Variants in SH3BGR observed in about 807,000 individuals in gnomAD.
SH3BGR encodes SH3 domain binding glutamate rich protein.
In SH3BGR, 29 loss-of-function variants were observed where a neutral mutation model predicts 24.5. The ratio of observed to expected loss-of-function variants is 1.18; its 90% CI spans 0.88 to 1.61. The LOEUF (loss-of-function observed/expected upper bound fraction) is 1.61, where lower values mean the gene tolerates loss of function less well. SH3BGR is among the 40% of genes most tolerant of loss of function. The pLI, the probability that SH3BGR is intolerant of heterozygous loss-of-function variation, is 0.00. For synonymous variants in SH3BGR, 55 were observed against 65.7 expected (o/e 0.84, Z 0.79); for missense variants, 162 against 205.8 (o/e 0.79, Z 1.30).
At chr21:39,508,361 T>C (rs1197810524) in intron 4 of SH3BGR, among the ~76,000 whole-genome samples, 1 of 152,198 alleles carries the variant, frequency 6.6e-6, no homozygotes, top group African/African-American at 2.4e-5. Flanking sequence ...AACCTGGTTA[T>C]TTTGCTTTGA....
chr21:39,501,054 A>G (rs1403280305), intron 4 of SH3BGR, among the ~76,000 whole-genome samples: 2 of 152,260 alleles, frequency 1.3e-5, no homozygotes, highest in Admixed American at 6.5e-5. Flanking sequence ...TGTATAATTC[A>G]GAAACAATAC....
At chr21:39,506,083 T>G (rs977437038) in intron 4 of SH3BGR, among the ~76,000 whole-genome samples, 3 of 152,216 alleles carry the variant, frequency 2.0e-5, no homozygotes, top group African/African-American at 7.2e-5. Context: ...ATCCAATCAC[T>G]AACACCTATT....
intron 1 of SH3BGR, among the ~76,000 whole-genome samples, chr21:39,453,707 G>T (rs772552752): frequency 6.6e-5 from 10 of 152,170 alleles, no homozygotes; most frequent in Non-Finnish European, 8.8e-5. Flanking sequence ...AGTGCCACTT[G>T]TAACTGTATG....
chr21:39,506,838 G>A (rs1412978673), intron 4 of SH3BGR, among the ~76,000 whole-genome samples: 1 of 152,182 alleles, frequency 6.6e-6, no homozygotes, highest in Non-Finnish European at 1.5e-5. Flanking sequence ...GTACAGTAAG[G>A]TTGGGTGCTT....
rs920346173 is a variant in SH3BGR at position 39,507,746 on chromosome 21, A to G, written c.406-1252A>G. Among the ~76,000 whole-genome samples, 4 of 152,142 alleles carry G rather than the reference A, an allele frequency of 2.6e-5. 1 individual carries two copies. The South Asian group carries it at 6.2e-4, about 24-fold the overall frequency. ...CAGCAGCCTCAAACTCCTGGGCTCA[A>G]GTGATCCTCCCGCCTCTGCCTCTGG... On this transcript the variant is annotated intron_variant, in intron 4 of 6. Coordinates refer to ENST00000333634, the MANE Select transcript of SH3BGR (RefSeq NM_007341.3).
chr21:39,452,105 C>T lies in SH3BGR; in HGVS notation c.9C>T (p.Ile3=), dbSNP rs1259663595. The T allele has an allele frequency of 3.7e-6, 6 of 1,614,154 alleles. No homozygotes were observed. Among genetic ancestry groups the T allele is most frequent in the Non-Finnish European group, 3.4e-6 (4 of 1,180,006 alleles). MV[I]KVFVATSSGS... is the part of the protein sequence containing the mutation. ...TCTTTCCAACTGTCGAAATGGTTAT[C>T]AAAGTGTTTGTTGCTACATCTTCTG... The change falls in exon 1 of 7, where the codon ATC becomes ATT. Residue 3 remains isoleucine, a synonymous_variant. Coordinates refer to ENST00000333634, the MANE Select transcript of SH3BGR (RefSeq NM_007341.3).
chr21:39,449,320 C>A (rs960676790), upstream of SH3BGR, among the ~76,000 whole-genome samples: 1 of 152,154 alleles, frequency 6.6e-6, no homozygotes. Flanking sequence ...GGTTGTATCT[C>A]CCCCTAAAAA....
At chr21:39,501,932 G>C (rs556490654) in intron 4 of SH3BGR, among the ~76,000 whole-genome samples, 1 of 152,346 alleles carries the variant, frequency 6.6e-6, no homozygotes, top group Admixed American at 6.5e-5. Context: ...CTGTACTTTG[G>C]AAGGCAGAGG....
chr21:39,446,386 C>T (rs572103502), intron 1 of SH3BGR, among the ~76,000 whole-genome samples: 150 of 152,160 alleles, frequency 9.9e-4, no homozygotes, highest in African/African-American at 3.2e-3. Flanking sequence ...GCATCAAAGC[C>T]ATGTTGAATA....
At chr21:39,446,171 T>TTTG (rs2077457037) in intron 1 of SH3BGR, 1 of 36,762 alleles carries the variant, frequency 2.7e-5, no homozygotes, top group African/African-American at 7.4e-5. Flanking sequence ...AAGACGATTT[T>TTTG]TTTTTTTTTT....
At chr21:39,473,895 A>AAC (rs1555911828) in intron 2 of SH3BGR, among the ~76,000 whole-genome samples, 2 of 150,818 alleles carry the variant, frequency 1.3e-5, no homozygotes, top group African/African-American at 2.4e-5. Context: ...AAAAAAAAAA[A>AAC]CAAAAAACAG....
chr21:39,475,456 C>A (rs1033955234), intron 3 of SH3BGR, among the ~76,000 whole-genome samples: 1 of 152,098 alleles, frequency 6.6e-6, no homozygotes, highest in East Asian at 1.9e-4. Flanking sequence ...TTTTATAATA[C>A]CTAAGTTAGG....
chr21:39,486,137 C>T (rs575722140), intron 3 of SH3BGR, among the ~76,000 whole-genome samples: 1 of 152,226 alleles, frequency 6.6e-6, no homozygotes, highest in East Asian at 1.9e-4. Context: ...TTCAGGGAAG[C>T]ATCAAAGCAA....
chr21:39,502,826 G>A lies in SH3BGR; in HGVS notation c.405+2911G>A, dbSNP rs148903548. Among the ~76,000 whole-genome samples the A allele has an allele frequency of 6.8e-3, 1,041 of 152,302 alleles. 7 individuals are homozygous for A. Among genetic ancestry groups the A allele is most frequent in the African/African-American group, 0.023 (968 of 41,566 alleles). On this transcript the variant is annotated intron_variant, in intron 4 of 6. Transcript: ENST00000333634. ...TTTCACAGTGGCTGGCCTTCTGACC[G>A]CGGACGCTGCTGCCTGTACAGAGTG...
chr21:39,467,494 A>G (rs1455188219), intron 2 of SH3BGR, among the ~76,000 whole-genome samples: 3 of 152,190 alleles, frequency 2.0e-5, no homozygotes, highest in Non-Finnish European at 2.9e-5. Flanking sequence ...ACACTTACAA[A>G]AGTATATTCA....
chr21:39,466,996 G>A (rs1254169543), intron 2 of SH3BGR, among the ~76,000 whole-genome samples: 2 of 151,900 alleles, frequency 1.3e-5, no homozygotes, highest in African/African-American at 2.4e-5. Context: ...TTTTTGTTAA[G>A]GAAAGCTTTC....
rs558383249 is a variant in SH3BGR, at chr21:39,487,202, G to A, written c.312+11987G>A. Among the ~76,000 whole-genome samples the A allele has an allele frequency of 5.4e-4, 82 of 152,282 alleles. 1 individual carries two copies. Among genetic ancestry groups the A allele is most frequent in the African/African-American group, 1.8e-3 (75 of 41,566 alleles). On this transcript the variant is annotated intron_variant, in intron 3 of 6. Transcript: ENST00000333634. The stretch of plus-strand genomic sequence containing the variant: ...CTGTCTCCCAGGCTGGAGTGCAGTG[G>A]CCTGATCACGGCTCACTGCAGCCTC...
At chr21:39,509,707 C>G (rs1322069859) in intron 5 of SH3BGR, among the ~76,000 whole-genome samples, 1 of 151,664 alleles carries the variant, frequency 6.6e-6, no homozygotes, top group African/African-American at 2.4e-5. Context: ...ACTCCTGACC[C>G]CAAGTGATCC....
intron 3 of SH3BGR, among the ~76,000 whole-genome samples, chr21:39,489,782 T>G (rs1003703132): frequency 1.5e-4 from 23 of 152,322 alleles, no homozygotes; most frequent in African/African-American, 4.6e-4. Context: ...AAGCAGAAGC[T>G]TCAGTCAGGG....
Sources: gnomAD v4.1 joint callset for allele counts (sites outside exome capture counted in the v4.1 genomes callset) on GRCh38, gnomAD v4.1.1 for gene constraint, MANE v1.5 for transcripts, NCBI Gene and HGNC (gene_info 2026-07-23, HGNC 2026-07-21) for gene names.